The following LRRC4C variants were observed in gnomAD, a reference collection of about 807,000 sequenced individuals.
LRRC4C encodes the protein leucine-rich repeat-containing protein 4C.
LRRC4C carries 5 observed loss-of-function variants against 33.6 expected under a neutral mutation model. The ratio of observed to expected loss-of-function variants is 0.15; its 90% CI spans 0.08 to 0.31. The LOEUF is 0.31. Ranked by LOEUF, LRRC4C falls within the 10% of genes least tolerant of loss-of-function variation. The pLI is 1.00. For missense variants in LRRC4C, 560 were observed against 796.7 expected (o/e 0.70, Z 3.58); for synonymous variants, 329 against 302.0 (o/e 1.09, Z -0.93).
At chr11:40,672,391 T>A (rs776715121) in intron 2 of LRRC4C, among the ~76,000 whole-genome samples, 2 of 152,202 alleles carry the variant, frequency 1.3e-5, no homozygotes, top group African/African-American at 2.4e-5. Context: ...AGCATATGAA[T>A]GTTGATGTAC....
intron 1 of LRRC4C, among the ~76,000 whole-genome samples, chr11:41,245,492 G>C (rs922869319): frequency 7.9e-5 from 12 of 152,188 alleles, no homozygotes; most frequent in African/African-American, 2.9e-4. Flanking sequence ...GCTAGACCAG[G>C]CATACCACAA....
chr11:40,467,848 T>C (rs1178752187), intron 3 of LRRC4C, among the ~76,000 whole-genome samples: 3 of 152,206 alleles, frequency 2.0e-5, no homozygotes, highest in African/African-American at 7.2e-5. Context: ...TAGATCTCCC[T>C]CCTAGTATAT....
At chr11:40,441,392 C>T (rs907912588) in intron 3 of LRRC4C, among the ~76,000 whole-genome samples, 1 of 152,136 alleles carries the variant, frequency 6.6e-6, no homozygotes, top group African/African-American at 2.4e-5. Flanking sequence ...AAAAAAACAA[C>T]AGTATGATTT....
intron 1 of LRRC4C, among the ~76,000 whole-genome samples, chr11:41,062,249 C>G (rs1342867908): frequency 6.6e-6 from 1 of 152,168 alleles, no homozygotes; most frequent in African/African-American, 2.4e-5. Flanking sequence ...TCTCTTCTCA[C>G]CTTTCACCCT....
At chr11:40,604,193 A>G (rs1171055956) in intron 3 of LRRC4C, among the ~76,000 whole-genome samples, 1 of 152,116 alleles carries the variant, frequency 6.6e-6, no homozygotes, top group African/African-American at 2.4e-5. Context: ...TTTTGAAAAC[A>G]TAAATATTGC....
chr11:40,591,714 G>T (rs1244777078), intron 3 of LRRC4C, among the ~76,000 whole-genome samples: 1 of 152,172 alleles, frequency 6.6e-6, no homozygotes, highest in Non-Finnish European at 1.5e-5. Flanking sequence ...GTAGACAAAG[G>T]CAGTTATGCC....
At chr11:40,435,111 C>T (rs1401245148) in intron 3 of LRRC4C, among the ~76,000 whole-genome samples, 1 of 152,136 alleles carries the variant, frequency 6.6e-6, no homozygotes, top group East Asian at 1.9e-4. Context: ...ATATCTGGGA[C>T]ACCACCACCA....
rs1946640691 is a variant in LRRC4C, at chr11:40,336,930, TTG to T, written c.-269-17211_-269-17210del. Among the ~76,000 whole-genome samples, 4 of 131,550 alleles carry T rather than the reference TTG, an allele frequency of 3.0e-5. 1 individual carries two copies. The South Asian group carries it at 9.2e-4, about 30-fold the overall frequency. 86.3% of individuals were successfully genotyped at this position (131,550 alleles called of 152,430 possible). A position where few individuals can be genotyped will look rare whatever the true frequency, so the allele number is the denominator to read the frequency against. Reference sequence around the variant, plus strand: ...AGGCGGAGCTTGCAGTGAGCCGAGATTGCACCACTGCACTCCAGCCTGGGGGA... The same window carrying T: ...AGGCGGAGCTTGCAGTGAGCCGAGATCACCACTGCACTCCAGCCTGGGGGA... On this transcript the variant is annotated intron_variant, in intron 3 of 6. Coordinates refer to ENST00000528697, the MANE Select transcript of LRRC4C (RefSeq NM_001258419.2).
At chr11:40,635,875 G>T (rs894882337) in intron 3 of LRRC4C, among the ~76,000 whole-genome samples, 2 of 152,014 alleles carry the variant, frequency 1.3e-5, no homozygotes, top group African/African-American at 2.4e-5. Context: ...TCCTGACCTT[G>T]TGATCCGCCT....
intron 4 of LRRC4C, among the ~76,000 whole-genome samples, chr11:40,264,648 C>A (rs1942114922): frequency 6.6e-6 from 1 of 152,104 alleles, no homozygotes; most frequent in South Asian, 2.1e-4. Context: ...AAGAGTAATT[C>A]CTATTCTATC....
chr11:41,321,856 A>G (rs1950967925), intron 1 of LRRC4C, among the ~76,000 whole-genome samples: 1 of 151,860 alleles, frequency 6.6e-6, no homozygotes, highest in African/African-American at 2.4e-5. Flanking sequence ...TAAACTGTTT[A>G]TATTAAACTG....
intron 2 of LRRC4C, among the ~76,000 whole-genome samples, chr11:40,740,605 A>G (rs1294007531): frequency 1.3e-5 from 2 of 151,572 alleles, no homozygotes; most frequent in South Asian, 2.1e-4. Context: ...CTCATTTGTT[A>G]TTTTCTTTGT....
chr11:40,406,493 C>T (rs1159453263), intron 3 of LRRC4C, among the ~76,000 whole-genome samples: 2 of 152,000 alleles, frequency 1.3e-5, no homozygotes, highest in East Asian at 1.9e-4. Context: ...AGTGTGATGC[C>T]TGGTATGTGT....
chr11:40,404,930 T>C (rs950633506), intron 3 of LRRC4C, among the ~76,000 whole-genome samples: 5 of 151,958 alleles, frequency 3.3e-5, no homozygotes, highest in African/African-American at 1.2e-4. Context: ...TAGTTTCCTA[T>C]TTCCCCACCA....
chr11:41,367,679 G>A (rs994830979), intron 1 of LRRC4C, among the ~76,000 whole-genome samples: 3 of 152,020 alleles, frequency 2.0e-5, no homozygotes, highest in Non-Finnish European at 4.4e-5. Context: ...TCTTCATACG[G>A]TTTTCTTTTA....
intron 3 of LRRC4C, among the ~76,000 whole-genome samples, chr11:40,531,096 C>T (rs556778122): frequency 5.9e-5 from 9 of 152,120 alleles, no homozygotes; most frequent in African/African-American, 1.7e-4. Context: ...TATATTCAGC[C>T]CAACAGCCAG....
intron 5 of LRRC4C, among the ~76,000 whole-genome samples, chr11:40,212,109 G>A (rs1162200207): frequency 2.0e-5 from 3 of 152,144 alleles, no homozygotes; most frequent in African/African-American, 7.2e-5. Context: ...TAAGAGTCAT[G>A]TTTATTTGCC....
intron 3 of LRRC4C, among the ~76,000 whole-genome samples, chr11:40,434,020 T>G (rs2137884712): frequency 6.6e-6 from 1 of 152,124 alleles, no homozygotes; most frequent in Non-Finnish European, 1.5e-5. Flanking sequence ...AAAATAGAGG[T>G]TTAAACAACT....
chr11:41,447,334 G>T (rs1955856793), intron 1 of LRRC4C, among the ~76,000 whole-genome samples: 1 of 152,122 alleles, frequency 6.6e-6, no homozygotes, highest in South Asian at 2.1e-4. Flanking sequence ...ATCAATACAT[G>T]AAATATGTAA....
Sources: gnomAD v4.1 joint callset for allele counts (sites outside exome capture counted in the v4.1 genomes callset) on GRCh38, gnomAD v4.1.1 for gene constraint, MANE v1.5 for transcripts, NCBI Gene and HGNC (gene_info 2026-07-23, HGNC 2026-07-21) for gene names.